Variants in AFF3 observed in about 807,000 individuals in gnomAD.
AFF3 encodes the protein ALF transcription elongation factor 3, also known as AF4/FMR2 family member 3.
AFF3 carries 32 observed loss-of-function variants against 129.7 expected under a neutral mutation model. That is an observed-to-expected ratio of 0.25 (90% confidence interval 0.19 to 0.33). The LOEUF (loss-of-function observed/expected upper bound fraction) is 0.33, where lower values mean the gene tolerates loss of function less well. Among genes scored for constraint, AFF3 ranks in the 10% least tolerant of loss-of-function variants. The pLI is 1.00. For synonymous variants in AFF3, 644 were observed against 635.4 expected, an observed-to-expected ratio of 1.01 and a Z score of -0.20; for missense variants, 1,373 against 1,592.0, an observed-to-expected ratio of 0.86 and a Z score of 2.34.
At chr2:100,058,572 T>C (rs1020124275) in intron 4 of AFF3, among the ~76,000 whole-genome samples, 2 of 151,750 alleles carry the variant, frequency 1.3e-5, no homozygotes, top group African/African-American at 4.8e-5. Flanking sequence ...AAGTCTTTCT[T>C]TTTTTTTGGA....
chr2:99,847,416 G>A (rs933354840), intron 7 of AFF3, among the ~76,000 whole-genome samples: 5 of 152,002 alleles, frequency 3.3e-5, no homozygotes, highest in East Asian at 2.0e-4. Context: ...CCTTTAGTTC[G>A]TGCCTGTAAT....
At chr2:99,587,346 G>C (rs567483258) in intron 15 of AFF3, 68 bp from the exon 16 acceptor site, 3 of 1,581,698 alleles carry the variant, frequency 1.9e-6, no homozygotes, top group Non-Finnish European at 2.6e-6. Context: ...CCCAGGCACC[G>C]ACTTCCACAG....
In AFF3 at chr2:99,837,500, T is replaced by C. The variant is rs1444641458; in HGVS notation, c.898A>G (p.Ser300Gly). Residue 300 changes from serine (S) to glycine (G), a missense_variant, in exon 8 of 25, where the codon AGC becomes GGC. Around this residue, in one of 9 missense-constraint regions of AFF3, gnomAD observed 413 missense variants for 424.4 expected, o/e 0.97. Coordinates refer to ENST00000672756, the MANE Select transcript of AFF3 (RefSeq NM_001386135.1). ...ACCCGGATTATTTCTTCAACACAGC[T>C]GTTGGTTTCTCCAGATCTACTCTCC... is the stretch of plus-strand genomic sequence containing the variant. ...GEESRSGETN[S>G]CVEEIIREMT... is the part of the protein sequence containing the mutation. 4.3e-6 allele frequency: 7 copies of C among 1,613,744 alleles called. No individual in the cohort carries two copies. The highest frequency in any genetic ancestry group is 2.2e-5 in the East Asian group (1 of 44,880).
At chr2:99,917,951 G>GA (rs1221178117) in intron 7 of AFF3, among the ~76,000 whole-genome samples, 4 of 151,886 alleles carry the variant, frequency 2.6e-5, no homozygotes, top group African/African-American at 4.8e-5. Flanking sequence ...CCTAGGAAGA[G>GA]AAAAAAAATC....
intron 8 of AFF3, among the ~76,000 whole-genome samples, chr2:99,825,668 T>A (rs942838260): frequency 2.0e-5 from 3 of 152,170 alleles, no homozygotes; most frequent in African/African-American, 7.2e-5. Flanking sequence ...TCATTACCTA[T>A]CAAAATGAAA....
rs1423348807 is a variant in AFF3 at position 100,007,372 on chromosome 2, T to C, written c.263A>G (p.Asn88Ser). Reference protein sequence around the residue: ...EMKDFLTDRSNQSHLVGVPKP... With the variant: ...EMKDFLTDRSSQSHLVGVPKP... ...GGGAACTCCAACGAGATGACTCTGATTGGATCTATCAGTTAAAAAGTCTTT... is the reference window on the plus strand; with the variant it reads ...GGGAACTCCAACGAGATGACTCTGACTGGATCTATCAGTTAAAAAGTCTTT... Residue 88 changes from asparagine to serine, a missense_variant, in exon 6 of 25, where the codon AAT becomes AGT. Physicochemically the swap from Asn to Ser is conservative, Grantham distance 46. Around this residue, in one of 9 missense-constraint regions of AFF3, gnomAD observed 255 missense variants for 256.0 expected, o/e 1.00. Transcript: ENST00000672756. The C allele has an allele frequency of 5.6e-6, 9 of 1,614,166 alleles. No individual in the cohort carries two copies. The highest frequency in any genetic ancestry group is 7.6e-6 in the Non-Finnish European group (9 of 1,180,006).
At chr2:100,047,925 C>T (rs1276312774) in intron 4 of AFF3, among the ~76,000 whole-genome samples, 2 of 152,188 alleles carry the variant, frequency 1.3e-5, no homozygotes, top group African/African-American at 4.8e-5. Flanking sequence ...TGAGGGAATC[C>T]TAATATTTTA....
intron 11 of AFF3, among the ~76,000 whole-genome samples, chr2:99,699,220 G>A: frequency 6.6e-6 from 1 of 152,192 alleles, no homozygotes; most frequent in East Asian, 1.9e-4. Flanking sequence ...CTCTGCTCAG[G>A]TGTTGGAAGC....
chr2:100,011,730 G>A (rs1351999682), intron 4 of AFF3, among the ~76,000 whole-genome samples: 1 of 152,148 alleles, frequency 6.6e-6, no homozygotes, highest in Non-Finnish European at 1.5e-5. Context: ...CTGAACAAAG[G>A]AAGGGACAAC....
intron 16 of AFF3, among the ~76,000 whole-genome samples, chr2:99,586,024 C>T (rs1351068665): frequency 3.3e-5 from 5 of 152,304 alleles, no homozygotes; most frequent in East Asian, 1.9e-4. Flanking sequence ...CCACCGCACC[C>T]GGCCAAATCA....
chr2:99,927,770 A>C (rs1203702053), intron 7 of AFF3, among the ~76,000 whole-genome samples: 1 of 152,212 alleles, frequency 6.6e-6, no homozygotes, highest in Non-Finnish European at 1.5e-5. Flanking sequence ...TAAGTGTCCT[A>C]ATCAGAGAAC....
At position 99,724,656 on chromosome 2, in the gene AFF3, T is replaced by G. The variant is rs187930900; in HGVS notation, c.1091+2421A>C. 3.7e-3 allele frequency among the ~76,000 whole-genome samples: 556 copies of G among 152,276 alleles called. 2 individuals are homozygous for G. The highest frequency in any genetic ancestry group is 5.9e-3 in the Non-Finnish European group (403 of 68,034). On this transcript the variant is annotated intron_variant, in intron 11 of 24. Coordinates refer to ENST00000672756, the MANE Select transcript of AFF3 (RefSeq NM_001386135.1). ...TCCTACCTACCTAAAAAAGCTCAGATAGATGCTGCACATAAGAATGTAAAA... is the reference window on the plus strand; with the variant it reads ...TCCTACCTACCTAAAAAAGCTCAGAGAGATGCTGCACATAAGAATGTAAAA...
intron 18 of AFF3, among the ~76,000 whole-genome samples, chr2:99,574,447 C>G (rs533933069): frequency 6.6e-6 from 1 of 152,178 alleles, no homozygotes; most frequent in Non-Finnish European, 1.5e-5. Context: ...TGCTAACACG[C>G]CCGGCTGATT....
At chr2:99,644,662 C>T (rs573110192) in intron 13 of AFF3, among the ~76,000 whole-genome samples, 13 of 152,338 alleles carry the variant, frequency 8.5e-5, no homozygotes, top group African/African-American at 1.7e-4. Flanking sequence ...TCTGCAGACG[C>T]GCAGTTGCTC....
intron 4 of AFF3, among the ~76,000 whole-genome samples, chr2:100,039,201 C>T (rs925435025): frequency 3.9e-5 from 6 of 152,172 alleles, no homozygotes; most frequent in Admixed American, 1.3e-4. Flanking sequence ...GCTATCTTAT[C>T]GAATTCACAG....
At position 99,551,345 on chromosome 2, in the gene AFF3, G is replaced by T; in HGVS notation, c.*129C>A. 1 of 1,308,056 alleles carries T rather than the reference G, an allele frequency of 7.6e-7. No individual in the cohort carries two copies. The highest frequency in any genetic ancestry group is 1.0e-6 in the Non-Finnish European group (1 of 960,256). 81.0% of individuals were successfully genotyped at this position (1,308,056 alleles called of 1,614,324 possible). Reference sequence around the variant, plus strand: ...CACACATGCCCTGCAAAAGATCATTGTTCAATGCTGAGGAAATGTTCACCG... The same window carrying T: ...CACACATGCCCTGCAAAAGATCATTTTTCAATGCTGAGGAAATGTTCACCG... On this transcript the variant is annotated 3_prime_UTR_variant, in exon 25 of 25. Transcript: ENST00000672756.
chr2:99,557,464 A>G (rs1342304755), intron 22 of AFF3, among the ~76,000 whole-genome samples: 3 of 152,224 alleles, frequency 2.0e-5, no homozygotes, highest in South Asian at 4.1e-4. Context: ...CCCATTCTGT[A>G]TGTATTAGTG....
At chr2:99,915,890 A>T (rs2106220725) in intron 7 of AFF3, among the ~76,000 whole-genome samples, 1 of 152,328 alleles carries the variant, frequency 6.6e-6, no homozygotes, top group Admixed American at 6.5e-5. Flanking sequence ...AAAAAATATA[A>T]AACTTGAATC....
chr2:100,040,594 T>C (rs1034241875), intron 4 of AFF3, among the ~76,000 whole-genome samples: 22 of 152,144 alleles, frequency 1.4e-4, no homozygotes, highest in African/African-American at 5.3e-4. Context: ...AGCAGGATGT[T>C]GAAGGAGCGA....
Sources: allele counts gnomAD v4.1 joint callset (sites outside exome capture counted in the v4.1 genomes callset), GRCh38; gene constraint gnomAD v4.1.1; regional missense constraint gnomAD v4.1.1; transcripts MANE v1.5; gene names NCBI Gene and HGNC (gene_info 2026-07-23, HGNC 2026-07-21).